MAPRE2: variants seen among roughly 807,000 people sequenced by gnomAD.
MAPRE2 encodes the protein microtubule associated protein RP/EB family member 2.
MAPRE2 carries 13 observed loss-of-function variants against 43.2 expected under a neutral mutation model. That is an observed-to-expected ratio of 0.30 (90% CI 0.20 to 0.48). MAPRE2 has a LOEUF of 0.48. MAPRE2 is among the 20% of genes least tolerant of loss of function. The pLI, the probability that MAPRE2 is intolerant of heterozygous loss-of-function variation, is 0.99. For synonymous variants in MAPRE2, 135 were observed against 148.8 expected (o/e 0.91, Z 0.68); for missense variants, 161 against 400.2 (o/e 0.40, Z 5.10).
chr18:35,075,877 T>C (rs1473968967), intron 2 of MAPRE2, among the ~76,000 whole-genome samples: 1 of 152,124 alleles, frequency 6.6e-6, no homozygotes. Flanking sequence ...AGGGAGTTTA[T>C]TTTTGGAGCA....
At chr18:35,064,633 C>G (rs1340395970) in intron 1 of MAPRE2, among the ~76,000 whole-genome samples, 1 of 152,124 alleles carries the variant, frequency 6.6e-6, no homozygotes, top group East Asian at 1.9e-4. Flanking sequence ...GCTTTAGGTG[C>G]AGAACTGGTA....
intron 2 of MAPRE2, among the ~76,000 whole-genome samples, chr18:35,034,421 T>G (rs1217644459): frequency 6.6e-6 from 1 of 152,152 alleles, no homozygotes; most frequent in Non-Finnish European, 1.5e-5. Context: ...GAAGAAAACC[T>G]AGGCATTACC....
At chr18:35,092,305 G>A (rs888712916) in intron 2 of MAPRE2, among the ~76,000 whole-genome samples, 1 of 152,202 alleles carries the variant, frequency 6.6e-6, no homozygotes, top group African/African-American at 2.4e-5. Flanking sequence ...GCACACAGAA[G>A]TAAATCCACA....
chr18:35,056,500 A>G (rs1022473594), intron 1 of MAPRE2, among the ~76,000 whole-genome samples: 5 of 152,182 alleles, frequency 3.3e-5, no homozygotes, highest in African/African-American at 1.2e-4. Flanking sequence ...ATGTTTTTAA[A>G]GTCTCTAACC....
At chr18:35,052,277 T>G (rs1018632354) in intron 1 of MAPRE2, among the ~76,000 whole-genome samples, 1 of 152,160 alleles carries the variant, frequency 6.6e-6, no homozygotes, top group Non-Finnish European at 1.5e-5. Context: ...CTGCTTTCTG[T>G]CACCACAGAT....
rs1283839348 is a variant in MAPRE2, at chr18:35,041,604, A to G, written c.65A>G (p.Asn22Ser). Residue 22 changes from asparagine (N) to serine (S), a missense_variant, in exon 1 of 7, where the codon AAT (asparagine) becomes AGT (serine). By Grantham distance (46) the Asn-to-Ser change is conservative (BLOSUM62 1). Transcript: ENST00000300249. The part of the protein sequence containing the change: ...GENNNDIIQD[N>S]NGTIIPFRKH... ...AACAACAACGACATCATCCAGGATA[A>G]TAACGGGACCATCATTCCTTTCCGG... 6.2e-7 allele frequency: 1 copy of G among 1,614,246 alleles called. No individual in the cohort carries two copies.
At chr18:35,110,249 G>A (rs1192744645) in intron 4 of MAPRE2, among the ~76,000 whole-genome samples, 1 of 152,124 alleles carries the variant, frequency 6.6e-6, no homozygotes, top group Non-Finnish European at 1.5e-5. Context: ...TCATTAAAAT[G>A]TGCTGTGTGT....
intron 1 of MAPRE2, among the ~76,000 whole-genome samples, chr18:35,049,559 C>A (rs950982416): frequency 7.2e-5 from 11 of 152,110 alleles, no homozygotes; most frequent in African/African-American, 2.7e-4. Context: ...TTGATAAGAA[C>A]CTCCAGGGGC....
At chr18:35,031,595 A>G (rs1426664139) in intron 2 of MAPRE2, among the ~76,000 whole-genome samples, 1 of 152,210 alleles carries the variant, frequency 6.6e-6, no homozygotes, top group Non-Finnish European at 1.5e-5. Context: ...GTTATTCTAC[A>G]AAATTAAATC....
chr18:35,076,465 G>T (rs945456339), intron 2 of MAPRE2, among the ~76,000 whole-genome samples: 1 of 152,156 alleles, frequency 6.6e-6, no homozygotes, highest in African/African-American at 2.4e-5. Context: ...GCCATCGTTT[G>T]GGAAACACCT....
intron 2 of MAPRE2, among the ~76,000 whole-genome samples, chr18:35,013,741 A>C (rs80192894): frequency 1.3e-5 from 2 of 152,076 alleles, no homozygotes; most frequent in South Asian, 4.1e-4. Context: ...ACTTTTGTTT[A>C]GTAATAGCTT....
At chr18:35,092,415 A>C (rs1908195726) in intron 2 of MAPRE2, among the ~76,000 whole-genome samples, 1 of 152,246 alleles carries the variant, frequency 6.6e-6, no homozygotes, top group Non-Finnish European at 1.5e-5. Flanking sequence ...CCATGTGCAG[A>C]AGAATTAAAC....
intron 2 of MAPRE2, among the ~76,000 whole-genome samples, chr18:35,078,239 A>C (rs560708106): frequency 3.9e-5 from 6 of 152,320 alleles, no homozygotes; most frequent in Admixed American, 1.3e-4. Context: ...TAGGAAGCCA[A>C]GGACCTCATT....
At position 35,004,142 on chromosome 18, in the gene MAPRE2, A is replaced by T. The variant is rs952692923; in HGVS notation, c.-69-1350A>T. Among the ~76,000 whole-genome samples the T allele has an allele frequency of 9.9e-5, 15 of 152,120 alleles. No individual in the cohort carries two copies. In the East Asian group the frequency reaches 2.7e-3, roughly 27 times the overall value. On this transcript the variant is annotated intron_variant, in intron 1 of 7. Transcript: ENST00000413393. Reference sequence around the variant, plus strand: ...GCCATTTTGTTTTTCACCTTTTTTTAACTAAACATCTCCTTTTTCCCTTAG... The same window carrying T: ...GCCATTTTGTTTTTCACCTTTTTTTTACTAAACATCTCCTTTTTCCCTTAG...
chr18:35,019,416 T>G (rs1474547299), intron 2 of MAPRE2, among the ~76,000 whole-genome samples: 2 of 152,000 alleles, frequency 1.3e-5, no homozygotes, highest in Admixed American at 6.6e-5. Context: ...TCTGTAGATG[T>G]CTATTAGGTC....
chr18:35,136,761 C>A (rs1370164749), intron 6 of MAPRE2, among the ~76,000 whole-genome samples: 1 of 152,176 alleles, frequency 6.6e-6, no homozygotes, highest in Non-Finnish European at 1.5e-5. Context: ...TCTCCTTTGC[C>A]CCCATTTTCC....
chr18:35,130,018 T>C (rs1360111737), intron 5 of MAPRE2, among the ~76,000 whole-genome samples: 1 of 152,210 alleles, frequency 6.6e-6, no homozygotes, highest in African/African-American at 2.4e-5. Context: ...GGAATATCAC[T>C]GAAGCCTGAT....
intron 4 of MAPRE2, among the ~76,000 whole-genome samples, chr18:35,115,211 T>G (rs528119797): frequency 6.6e-6 from 1 of 152,184 alleles, no homozygotes; most frequent in Non-Finnish European, 1.5e-5. Context: ...GTTGAATCAT[T>G]GCAGCATTCA....
At chr18:34,978,042 CAGG>C (rs2097014165) in intron 1 of MAPRE2, among the ~76,000 whole-genome samples, 2 of 152,316 alleles carry the variant, frequency 1.3e-5, no homozygotes, top group African/African-American at 4.8e-5. Flanking sequence ...GCCATTTGAT[CAGG>C]AGAAGCCTTT....
Sources: gnomAD v4.1 joint callset for allele counts (sites outside exome capture counted in the v4.1 genomes callset) on GRCh38, gnomAD v4.1.1 for gene constraint, MANE v1.5 for transcripts, NCBI Gene and HGNC (gene_info 2026-07-23, HGNC 2026-07-21) for gene names.